CERS5: variants seen among roughly 807,000 people sequenced by gnomAD.
CERS5 encodes the protein ceramide synthase 5.
A neutral mutation model predicts 58.9 loss-of-function variants in CERS5; 37 were observed. The ratio of observed to expected loss-of-function variants is 0.63; its 90% CI spans 0.48 to 0.83. CERS5 has a LOEUF of 0.83. Ranked by LOEUF, CERS5 falls within the 40% of genes least tolerant of loss-of-function variation. The pLI is 0.00. For missense variants in CERS5, 398 were observed against 489.3 expected (o/e 0.81, Z 1.76); for synonymous variants, 147 against 177.8 (o/e 0.83, Z 1.38).
chr12:50,132,773 A>T (rs117574899), intron 9 of CERS5, among the ~76,000 whole-genome samples: 1,881 of 152,180 alleles, frequency 0.012, 40 homozygotes, highest in Admixed American at 0.059. Flanking sequence ...AAAAAAGTAG[A>T]CTCAATTCTT....
chr12:50,156,576 CAG>C (rs1324095985), intron 1 of CERS5, among the ~76,000 whole-genome samples: 1 of 151,200 alleles, frequency 6.6e-6, no homozygotes, highest in Non-Finnish European at 1.5e-5. Flanking sequence ...GCGTGGCTGA[CAG>C]AGTGAAGCTT....
chr12:50,160,116 C>T (rs1939107223), intron 1 of CERS5, among the ~76,000 whole-genome samples: 1 of 151,316 alleles, frequency 6.6e-6, no homozygotes, highest in African/African-American at 2.4e-5. Flanking sequence ...ACCAGTCTGG[C>T]CAACATGGCA....
chr12:50,138,709 G>T, intron 4 of CERS5, 92 bp from the exon 5 acceptor site: 1 of 1,144,070 alleles, frequency 8.7e-7, no homozygotes, highest in Non-Finnish European at 1.3e-6. Context: ...CTAGGCTGGG[G>T]CAAAAGAGGA....
rs76956201 is a variant in CERS5, at chr12:50,167,226, G to T, written c.72C>A (p.Pro24=). The change falls in exon 1 of 10, where the codon CCC becomes CCA. Residue 24 remains proline (P), a synonymous_variant. Coordinates refer to ENST00000317551, the MANE Select transcript of CERS5 (RefSeq NM_147190.5). ...CCAGATCAGCCCAGCTCACGTTCTC[G>T]GGTAGCCAGAAGCGCTCGCTCCACA... The part of the protein sequence containing the change: ...GWLWSERFWL[P]ENVSWADLEG... 1 of 1,606,290 alleles carries T rather than the reference G, an allele frequency of 6.2e-7. No homozygotes were observed. The highest frequency in any genetic ancestry group is 8.5e-7 in the Non-Finnish European group (1 of 1,177,940).
intron 1 of CERS5, among the ~76,000 whole-genome samples, chr12:50,149,849 T>G (rs1360230824): frequency 6.6e-6 from 1 of 152,120 alleles, no homozygotes; most frequent in Non-Finnish European, 1.5e-5. Flanking sequence ...AAGTAATTCT[T>G]GTGCCTCAGC....
chr12:50,144,663 A>G, intron 1 of CERS5: 1 of 601,838 alleles, frequency 1.7e-6, no homozygotes, highest in Non-Finnish European at 2.8e-6. Context: ...AGTCGAGAAG[A>G]AAGAAATCAG....
At chr12:50,133,436 CTAGTGGGGTGAGGTGGGTATT>C (rs1297385547) in intron 9 of CERS5, 3 of 1,004,694 alleles carry the variant, frequency 3.0e-6, no homozygotes, top group East Asian at 2.0e-4. Context: ...GCCTCATACA[CTAGTGGGGTGAGGTGGGTATT>C]TAGTTCCTTA....
intron 4 of CERS5, among the ~76,000 whole-genome samples, chr12:50,140,234 G>C (rs751638346): frequency 2.1e-5 from 3 of 143,928 alleles, no homozygotes; most frequent in Non-Finnish European, 4.5e-5. Flanking sequence ...CTTCTCTTGT[G>C]ATTTTTTATT....
At chr12:50,150,299 T>C (rs917057244) in intron 1 of CERS5, among the ~76,000 whole-genome samples, 3 of 152,150 alleles carry the variant, frequency 2.0e-5, no homozygotes. Flanking sequence ...AGGTGGAGGC[T>C]GCAGTGAGCC....
rs1565768298 is a variant in CERS5, at chr12:50,135,136, GGAGAGAGAGAGGAGGGAGGGAGA to G, written c.873-457_873-435del. On this transcript the variant is annotated intron_variant, in intron 8 of 9. Transcript: ENST00000317551. ...AGGGAGGGAGAGAGAGGAGAGGGAGGGAGAGAGAGAGGAGGGAGGGAGAGAGAGGGGAGGGAGGGAGAGAGAGG... is the reference window on the plus strand; with the variant it reads ...AGGGAGGGAGAGAGAGGAGAGGGAGGGAGAGGGGAGGGAGGGAGAGAGAGG... 3.0e-4 allele frequency among the ~76,000 whole-genome samples: 18 copies of G among 59,684 alleles called. 1 individual carries two copies. The highest frequency in any genetic ancestry group is 3.2e-4 in the African/African-American group (4 of 12,324). The allele number at this position is 59,684 out of a possible 152,430, so 39.2% of individuals were successfully genotyped here. A position where few individuals can be genotyped will look rare whatever the true frequency, so the allele number is the denominator to read the frequency against.
At chr12:50,131,859 G>A (rs544291202) in intron 9 of CERS5, among the ~76,000 whole-genome samples, 1 of 152,280 alleles carries the variant, frequency 6.6e-6, no homozygotes, top group South Asian at 2.1e-4. Flanking sequence ...CACTTTGGGA[G>A]GCTGAGGGAG....
chr12:50,155,811 A>G (rs1040428553), intron 1 of CERS5, among the ~76,000 whole-genome samples: 1 of 150,604 alleles, frequency 6.6e-6, no homozygotes, highest in African/African-American at 2.4e-5. Flanking sequence ...AAAAAATATA[A>G]CAATTAGTGG....
At chr12:50,148,463 G>A (rs1030860244) in intron 1 of CERS5, 4 of 231,672 alleles carry the variant, frequency 1.7e-5, no homozygotes, top group African/African-American at 4.7e-5. Flanking sequence ...CAGGCATGGC[G>A]GCACATACCT....
At chr12:50,151,208 T>C (rs886660231) in intron 1 of CERS5, among the ~76,000 whole-genome samples, 1 of 152,210 alleles carries the variant, frequency 6.6e-6, no homozygotes, top group Admixed American at 6.5e-5. Context: ...CTTCTGTCCC[T>C]ACACTCCACT....
At chr12:50,164,405 T>C (rs1335083945) in intron 1 of CERS5, among the ~76,000 whole-genome samples, 1 of 152,018 alleles carries the variant, frequency 6.6e-6, no homozygotes, top group African/African-American at 2.4e-5. Context: ...CAGTCCAGCC[T>C]GGGTGAGGCT....
Position 50,134,656 on chromosome 12 carries a change from A to G in CERS5, c.919T>C (p.Tyr307His), listed in dbSNP as rs764876413. The G allele has an allele frequency of 6.2e-7, 1 of 1,614,172 alleles. No individual in the cohort carries two copies. The highest frequency in any genetic ancestry group is 1.7e-5 in the Admixed American group (1 of 60,010). The change falls in exon 9 of 10, where the codon TAT (tyrosine) becomes CAT (histidine). Residue 307 changes from tyrosine to histidine, a missense_variant. Around this residue, in one of 3 missense-constraint regions of CERS5, gnomAD observed 328 missense variants for 384.5 expected, o/e 0.85. Coordinates refer to ENST00000317551, the MANE Select transcript of CERS5 (RefSeq NM_147190.5). ...LFESWEIIGP[Y>H]ASWWLLNGLL... ...CCATTGAGGAGCCACCATGAAGCAT[A>G]AGGCCCGATTATCTCCCAACTCTCA... is the stretch of plus-strand genomic sequence containing the variant.
At chr12:50,152,950 A>C (rs867073995) in intron 1 of CERS5, among the ~76,000 whole-genome samples, 21 of 151,928 alleles carry the variant, frequency 1.4e-4, no homozygotes, top group African/African-American at 5.1e-4. Context: ...GCCGCCTGTA[A>C]TCCCAGCTAC....
intron 1 of CERS5, among the ~76,000 whole-genome samples, chr12:50,148,883 T>C (rs918669500): frequency 5.2e-4 from 62 of 119,520 alleles, no homozygotes; most frequent in Non-Finnish European, 7.8e-4. Flanking sequence ...CCAGTTGGGG[T>C]GACGGAGCGA....
intron 9 of CERS5, chr12:50,133,711 C>T: frequency 1.0e-6 from 1 of 985,520 alleles, no homozygotes; most frequent in Non-Finnish European, 1.2e-6. Context: ...CATCCTTTAA[C>T]AAAAGCCATT....
Sources: gnomAD v4.1 joint callset for allele counts (sites outside exome capture counted in the v4.1 genomes callset) on GRCh38, gnomAD v4.1.1 for gene constraint, gnomAD v4.1.1 regional missense constraint, MANE v1.5 for transcripts, NCBI Gene and HGNC (gene_info 2026-07-23, HGNC 2026-07-21) for gene names.